ATF7IP: variants seen among roughly 807,000 people sequenced by gnomAD.
ATF7IP encodes activating transcription factor 7 interacting protein.
In ATF7IP, 23 loss-of-function variants were observed where a neutral mutation model predicts 106.4. The ratio of observed to expected loss-of-function variants is 0.22; its 90% CI spans 0.16 to 0.31. The LOEUF is 0.31. ATF7IP is among the 10% of genes least tolerant of loss of function. ATF7IP has a pLI of 1.00. For missense variants in ATF7IP, 1,334 were observed against 1,524.3 expected (o/e 0.88, Z 2.08); for synonymous variants, 542 against 539.0 (o/e 1.01, Z -0.08).
intron 5 of ATF7IP, among the ~76,000 whole-genome samples, chr12:14,441,390 A>G (rs1942688228): frequency 6.6e-6 from 1 of 151,962 alleles, no homozygotes; most frequent in Non-Finnish European, 1.5e-5. Flanking sequence ...TGTTTATAGA[A>G]ATGTCTATTA....
At position 14,494,932 on chromosome 12, in the gene ATF7IP, C is replaced by CAA. The variant is rs34929652; in HGVS notation, c.3281-1277_3281-1276dup. 1.1e-3 allele frequency among the ~76,000 whole-genome samples: 86 copies of CAA among 79,034 alleles called. 1 individual carries two copies. The highest frequency in any genetic ancestry group is 1.7e-3 in the African/African-American group (35 of 20,566). The allele number at this position is 79,034 out of a possible 152,430, so 51.8% of individuals were successfully genotyped here. ...TGGGCAACAGAGCCAGACTCTGTCT[C>CAA]AAAAAAAAAAAAAAAAAAAAAAAGA... is the stretch of plus-strand genomic sequence containing the variant. On this transcript the variant is annotated intron_variant, in intron 13 of 14. Transcript: ENST00000261168.
chr12:14,477,124 A>T (rs1944287510), intron 11 of ATF7IP, among the ~76,000 whole-genome samples: 2 of 152,198 alleles, frequency 1.3e-5, no homozygotes, highest in South Asian at 4.1e-4. Context: ...TGGAAAATAT[A>T]ATATCATGTG....
intron 10 of ATF7IP, among the ~76,000 whole-genome samples, chr12:14,467,021 CTT>C (rs1413742970): frequency 6.6e-6 from 1 of 151,992 alleles, no homozygotes; most frequent in Non-Finnish European, 1.5e-5. Flanking sequence ...TCAGAAATAC[CTT>C]TTGAGGAAGA....
chr12:14,472,142 C>G (rs1044640211), intron 10 of ATF7IP, among the ~76,000 whole-genome samples: 3 of 151,952 alleles, frequency 2.0e-5, no homozygotes, highest in Non-Finnish European at 4.4e-5. Flanking sequence ...TCTTAACTGC[C>G]CTCTAATGCC....
chr12:14,494,952 A>G lies in ATF7IP; in HGVS notation c.3281-1279A>G, dbSNP rs897414561. 2.0e-5 allele frequency among the ~76,000 whole-genome samples: 3 copies of G among 151,584 alleles called. No individual in the cohort carries two copies. In the East Asian group the frequency reaches 5.8e-4, roughly 29 times the overall value. On this transcript the variant is annotated intron_variant, in intron 13 of 14. Coordinates refer to ENST00000261168, the MANE Select transcript of ATF7IP (RefSeq NM_018179.5). ...TGTCTCAAAAAAAAAAAAAAAAAAAAAAAGATCCCACAGTAGGCTGTCTGC... is the reference window on the plus strand; with the variant it reads ...TGTCTCAAAAAAAAAAAAAAAAAAAGAAAGATCCCACAGTAGGCTGTCTGC...
chr12:14,491,685 A>G (rs1292768657), intron 13 of ATF7IP, among the ~76,000 whole-genome samples: 4 of 152,214 alleles, frequency 2.6e-5, no homozygotes, highest in Non-Finnish European at 5.9e-5. Flanking sequence ...ACTGAAGGCA[A>G]ATTGCTTCTG....
intron 1 of ATF7IP, among the ~76,000 whole-genome samples, chr12:14,388,363 T>C (rs1218183305): frequency 1.3e-5 from 2 of 151,700 alleles, no homozygotes; most frequent in East Asian, 1.9e-4. Context: ...TTTTTTTTTT[T>C]CAAGACGGAG....
chr12:14,398,245 T>G (rs558792955), intron 1 of ATF7IP, among the ~76,000 whole-genome samples: 2 of 152,022 alleles, frequency 1.3e-5, no homozygotes, highest in Non-Finnish European at 2.9e-5. Flanking sequence ...TTTATTAATG[T>G]TTTTGAGTTT....
At chr12:14,449,717 A>G (rs1672613600) in intron 6 of ATF7IP, among the ~76,000 whole-genome samples, 2 of 147,818 alleles carry the variant, frequency 1.4e-5, no homozygotes, top group African/African-American at 4.9e-5. Context: ...TTTTTTCTGG[A>G]AAAAAAAAAC....
rs545799847 is a variant in ATF7IP, at chr12:14,464,703, G to C, written c.2798-1823G>C. Among the ~76,000 whole-genome samples the C allele has an allele frequency of 1.1e-3, 174 of 152,150 alleles. 1 individual carries two copies. The highest frequency in any genetic ancestry group is 4.0e-3 in the African/African-American group (164 of 41,504). On this transcript the variant is annotated intron_variant, in intron 9 of 14. Coordinates refer to ENST00000261168, the MANE Select transcript of ATF7IP (RefSeq NM_018179.5). ...TATAAGATGTTACATTAAGAATCAA[G>C]GGAAAAAATCTGTAATAACGGGCAA...
intron 9 of ATF7IP, 131 bp from the exon 10 acceptor site, chr12:14,466,395 G>C (rs1943834024): frequency 1.4e-6 from 1 of 713,164 alleles, no homozygotes; most frequent in Admixed American, 2.8e-5. Flanking sequence ...GTGAATTTGA[G>C]TTTTTATTTA....
intron 10 of ATF7IP, among the ~76,000 whole-genome samples, chr12:14,473,226 G>T (rs1226771183): frequency 6.8e-6 from 1 of 147,636 alleles, no homozygotes; most frequent in African/African-American, 2.5e-5. Flanking sequence ...TTTTGTATCA[G>T]TTTTTTTTAA....
intron 12 of ATF7IP, among the ~76,000 whole-genome samples, chr12:14,479,276 T>G (rs774328461): frequency 2.1e-4 from 32 of 152,214 alleles, no homozygotes; most frequent in Non-Finnish European, 3.5e-4. Context: ...TTTAAATGTG[T>G]CTTATCTTGA....
chr12:14,366,230 A>C (rs930541235), intron 1 of ATF7IP, among the ~76,000 whole-genome samples: 1 of 152,138 alleles, frequency 6.6e-6, no homozygotes, highest in Non-Finnish European at 1.5e-5. Flanking sequence ...TTTTTTGAAA[A>C]ATTGTGGACT....
At chr12:14,454,637 G>C (rs7297660) in intron 6 of ATF7IP, among the ~76,000 whole-genome samples, 82,583 of 151,820 alleles carry the variant, frequency 0.54, 22,932 homozygotes, top group African/African-American at 0.66. Context: ...ACCTGGGATG[G>C]CATACCCTCT....
chr12:14,401,540 TTATTG>T (rs1940196375), intron 1 of ATF7IP, among the ~76,000 whole-genome samples: 1 of 151,702 alleles, frequency 6.6e-6, no homozygotes, highest in African/African-American at 2.4e-5. Context: ...GTTACCTTTT[TTATTG>T]TTTGTGTCTG....
intron 2 of ATF7IP, among the ~76,000 whole-genome samples, chr12:14,431,458 G>A (rs1402915841): frequency 1.3e-5 from 2 of 151,136 alleles, no homozygotes; most frequent in African/African-American, 2.4e-5. Context: ...GCAGTGGTGC[G>A]ATATCGGCTC....
At chr12:14,431,596 A>G (rs926535554) in intron 2 of ATF7IP, among the ~76,000 whole-genome samples, 4 of 151,976 alleles carry the variant, frequency 2.6e-5, no homozygotes, top group Non-Finnish European at 5.9e-5. Context: ...GGGTTTCACC[A>G]TGTTAGCCAG....
intron 8 of ATF7IP, among the ~76,000 whole-genome samples, chr12:14,459,577 T>C (rs1392405080): frequency 6.6e-6 from 1 of 152,230 alleles, no homozygotes; most frequent in Non-Finnish European, 1.5e-5. Context: ...TGCTAATGTC[T>C]GCTTATTTAA....
Sources: gnomAD v4.1 joint callset for allele counts (sites outside exome capture counted in the v4.1 genomes callset) on GRCh38, gnomAD v4.1.1 for gene constraint, MANE v1.5 for transcripts, NCBI Gene and HGNC (gene_info 2026-07-23, HGNC 2026-07-21) for gene names.